Variants in RPSA2 observed in about 807,000 individuals in gnomAD.
RPSA2 encodes ribosomal protein SA 2.
chr19:23,788,499 C>A, the RPSA2 span, among the ~76,000 whole-genome samples: 1 of 152,080 alleles, frequency 6.6e-6, no homozygotes, highest in East Asian at 1.9e-4. Flanking sequence ...CTGGGCCCTA[C>A]AAACATTTTG....
At chr19:23,840,365 G>A in the RPSA2 span, among the ~76,000 whole-genome samples, 5 of 151,986 alleles carry the variant, frequency 3.3e-5, no homozygotes, top group Admixed American at 6.6e-5. Context: ...AATTTATACC[G>A]TGAAATATTG....
the RPSA2 span, among the ~76,000 whole-genome samples, chr19:23,791,642 G>A: frequency 1.3e-5 from 2 of 151,892 alleles, no homozygotes; most frequent in Non-Finnish European, 1.5e-5. Flanking sequence ...TTCCAGTTTC[G>A]TCTGATATTC....
At chr19:23,826,474 T>G in the RPSA2 span, among the ~76,000 whole-genome samples, 1 of 152,086 alleles carries the variant, frequency 6.6e-6, no homozygotes. Context: ...ATTACAGGTA[T>G]GGGCCACCAT....
chr19:23,867,537 A>AT, the RPSA2 span, among the ~76,000 whole-genome samples: 2 of 6,360 alleles, frequency 3.1e-4, no homozygotes. Context: ...AAAGACAGAC[A>AT]AAAAAGACTG....
At chr19:23,831,950 A>G in the RPSA2 span, 1 of 349,830 alleles carries the variant, frequency 2.9e-6, no homozygotes, top group South Asian at 3.0e-5. Flanking sequence ...AAAAGCATTT[A>G]TACTAGAGAG....
At chr19:23,830,388 G>A in the RPSA2 span, among the ~76,000 whole-genome samples, 14 of 152,112 alleles carry the variant, frequency 9.2e-5, no homozygotes, top group South Asian at 6.2e-4. Flanking sequence ...CAGGTGATCC[G>A]TCCACCTCTG....
the RPSA2 span, among the ~76,000 whole-genome samples, chr19:23,784,976 GA>G: frequency 6.6e-6 from 1 of 152,306 alleles, no homozygotes; most frequent in Admixed American, 6.5e-5. Context: ...CTAGAACGTG[GA>G]CACGTATGGA....
the RPSA2 span, among the ~76,000 whole-genome samples, chr19:23,825,665 C>T: frequency 6.6e-6 from 1 of 152,130 alleles, no homozygotes; most frequent in East Asian, 1.9e-4. Context: ...CAGCTCACTG[C>T]AACTTCTGCC....
At chr19:23,839,599 G>A in the RPSA2 span, among the ~76,000 whole-genome samples, 26 of 152,322 alleles carry the variant, frequency 1.7e-4, no homozygotes, top group South Asian at 8.3e-4. Flanking sequence ...CCAGAGTCAC[G>A]CCTTCCCTGA....
the RPSA2 span, chr19:23,758,668 G>A: frequency 1.2e-6 from 2 of 1,610,384 alleles, no homozygotes; most frequent in African/African-American, 1.3e-5. Flanking sequence ...GGCGCAAATT[G>A]TGGAGCTGAC....
At chr19:23,761,931 T>TCTCTCTCTCTCTCTCTCTCTCTC in the RPSA2 span, among the ~76,000 whole-genome samples, 2 of 61,692 alleles carry the variant, frequency 3.2e-5, no homozygotes, top group African/African-American at 1.5e-4. Context: ...TTTTTTTTTT[T>TCTCTCTCTCTCTCTCTCTCTCTC]TTTTGAGATG....
At chr19:23,837,693 A>C in the RPSA2 span, among the ~76,000 whole-genome samples, 1 of 151,950 alleles carries the variant, frequency 6.6e-6, no homozygotes, top group African/African-American at 2.4e-5. Flanking sequence ...ATATTTCCTA[A>C]GTATTTTATT....
At chr19:23,784,771 A>C in the RPSA2 span, among the ~76,000 whole-genome samples, 1 of 152,172 alleles carries the variant, frequency 6.6e-6, no homozygotes, top group Non-Finnish European at 1.5e-5. Flanking sequence ...TAGTTGCAGA[A>C]TTGAGTCTCA....
chr19:23,796,817 G>T, the RPSA2 span, among the ~76,000 whole-genome samples: 1 of 149,698 alleles, frequency 6.7e-6, no homozygotes, highest in East Asian at 2.0e-4. Context: ...GTGTTTATTT[G>T]GATCATCCCT....
At chr19:23,760,667 ATATT>A in the RPSA2 span, among the ~76,000 whole-genome samples, 13,708 of 96,454 alleles carry the variant, frequency 0.14, 688 homozygotes, top group Non-Finnish European at 0.16. Context: ...ATATATATAT[ATATT>A]TTTTTTTTTT....
At chr19:23,805,286 T>A in the RPSA2 span, among the ~76,000 whole-genome samples, 1 of 152,182 alleles carries the variant, frequency 6.6e-6, no homozygotes, top group Non-Finnish European at 1.5e-5. Context: ...TCCCCCAGCC[T>A]CCTGAGTAGC....
At chr19:23,792,837 T>A in the RPSA2 span, among the ~76,000 whole-genome samples, 1 of 152,042 alleles carries the variant, frequency 6.6e-6, no homozygotes, top group African/African-American at 2.4e-5. Flanking sequence ...TTGCAAAGAT[T>A]AGGCAGAAAA....
chr19:23,857,485 CTTTTTTTTTT>C, the RPSA2 span, among the ~76,000 whole-genome samples: 31 of 95,258 alleles, frequency 3.3e-4, no homozygotes, highest in Non-Finnish European at 5.5e-4. Flanking sequence ...TTTTTAAAGT[CTTTTTTTTTT>C]TTTTTTTTTT....
the RPSA2 span, among the ~76,000 whole-genome samples, chr19:23,803,112 T>A: frequency 6.7e-6 from 1 of 150,224 alleles, no homozygotes; most frequent in Non-Finnish European, 1.5e-5. Context: ...TTTTTTTTGG[T>A]ACACTTAAAA....
Sources: gnomAD v4.1 joint callset for allele counts (sites outside exome capture counted in the v4.1 genomes callset) on GRCh38, gnomAD v4.1.1 for gene constraint, MANE v1.5 for transcripts, NCBI Gene and HGNC (gene_info 2026-07-23, HGNC 2026-07-21) for gene names.